PRKCA: variants seen among roughly 807,000 people sequenced by gnomAD.
PRKCA encodes the protein protein kinase C alpha, also known as protein kinase C alpha type.
Under a neutral mutation model 87.0 loss-of-function variants are expected in PRKCA, and 27 were observed. The observed-to-expected ratio is 0.31, with a 90% CI of 0.23 to 0.43. PRKCA has a LOEUF of 0.43. Ranked by LOEUF, PRKCA falls within the 20% of genes least tolerant of loss-of-function variation. The pLI, the probability that PRKCA is intolerant of heterozygous loss-of-function variation, is 1.00. For synonymous variants in PRKCA, 329 were observed against 311.1 expected (o/e 1.06, Z -0.61); for missense variants, 518 against 852.3 (o/e 0.61, Z 4.88).
In PRKCA at chr17:66,731,952, G is replaced by A. The variant is rs543958738; in HGVS notation, c.919-736G>A. 2.1e-4 allele frequency among the ~76,000 whole-genome samples: 32 copies of A among 150,942 alleles called. No homozygotes were observed. The South Asian group carries it at 6.5e-3, about 31-fold the overall frequency. On this transcript the variant is annotated intron_variant, in intron 8 of 16. Transcript: ENST00000413366. ...TTACAGGCACGCACCACCATGCCCAGCTGATTTTTGTATTTTTGGTAGAGA... is the reference window on the plus strand; with the variant it reads ...TTACAGGCACGCACCACCATGCCCAACTGATTTTTGTATTTTTGGTAGAGA...
intron 2 of PRKCA, among the ~76,000 whole-genome samples, chr17:66,490,501 G>A (rs1392449724): frequency 6.6e-6 from 1 of 151,932 alleles, no homozygotes; most frequent in African/African-American, 2.4e-5. Context: ...CCACCACCAT[G>A]CCCGGCTAAT....
Position 66,302,672 on chromosome 17 carries a change from G to T in PRKCA, c.-180G>T. ...GCTCCGGCTCCCGCTCCCGCTCCGCGCAGCACCAGCCCGACTCTCCCCGGC... is the reference window on the plus strand; with the variant it reads ...GCTCCGGCTCCCGCTCCCGCTCCGCTCAGCACCAGCCCGACTCTCCCCGGC... On this transcript the variant is annotated 5_prime_UTR_variant, in exon 1 of 17. Transcript: ENST00000413366. The T allele has an allele frequency of 4.8e-6, 1 of 210,404 alleles. No homozygotes were observed. Among genetic ancestry groups the T allele is most frequent in the Non-Finnish European group, 8.1e-6 (1 of 123,748 alleles). The allele number at this position is 210,404 out of a possible 1,614,324, so 13.0% of individuals were successfully genotyped here. A position where few individuals can be genotyped will look rare whatever the true frequency, so the allele number is the denominator to read the frequency against.
chr17:66,444,345 CA>C (rs2143890632), intron 2 of PRKCA, among the ~76,000 whole-genome samples: 1 of 152,254 alleles, frequency 6.6e-6, no homozygotes, highest in Non-Finnish European at 1.5e-5. Context: ...TTTCATAGTT[CA>C]ACGTTCTGGA....
intron 10 of PRKCA, among the ~76,000 whole-genome samples, chr17:66,736,677 C>T (rs952798470): frequency 1.3e-5 from 2 of 152,200 alleles, no homozygotes; most frequent in Admixed American, 1.3e-4. Context: ...TGTTCAATGC[C>T]ACACAACAGG....
chr17:66,396,068 T>TC (rs59678508), intron 2 of PRKCA, among the ~76,000 whole-genome samples: 3 of 151,878 alleles, frequency 2.0e-5, no homozygotes, highest in African/African-American at 7.3e-5. Flanking sequence ...TTTTTTTTTT[T>TC]AATTGAATAT....
chr17:66,483,758 C>G (rs966575808), intron 2 of PRKCA, among the ~76,000 whole-genome samples: 6 of 152,070 alleles, frequency 3.9e-5, no homozygotes, highest in Admixed American at 6.5e-5. Flanking sequence ...CCGCACCCAG[C>G]CCAAATTTCC....
intron 5 of PRKCA, among the ~76,000 whole-genome samples, chr17:66,663,533 G>A (rs1971962305): frequency 6.6e-6 from 1 of 152,206 alleles, no homozygotes; most frequent in African/African-American, 2.4e-5. Context: ...TAGTTCCTCA[G>A]GCTTAACTTG....
chr17:66,566,738 C>G (rs1968915563), intron 3 of PRKCA, among the ~76,000 whole-genome samples: 1 of 152,078 alleles, frequency 6.6e-6, no homozygotes, highest in Admixed American at 6.6e-5. Context: ...GAAATAGATT[C>G]TTCATTCTAC....
chr17:66,328,582 G>A (rs933052559), intron 2 of PRKCA, among the ~76,000 whole-genome samples: 4 of 152,118 alleles, frequency 2.6e-5, no homozygotes, highest in African/African-American at 4.8e-5. Flanking sequence ...CAGATCACTT[G>A]AGGTCAGGAG....
At chr17:66,616,677 T>G (rs1433131913) in intron 3 of PRKCA, among the ~76,000 whole-genome samples, 1 of 151,960 alleles carries the variant, frequency 6.6e-6, no homozygotes, top group Non-Finnish European at 1.5e-5. Flanking sequence ...CTTAGTGGAG[T>G]CTACACTGCA....
At chr17:66,389,191 C>T (rs1910227598) in intron 2 of PRKCA, among the ~76,000 whole-genome samples, 1 of 152,190 alleles carries the variant, frequency 6.6e-6, no homozygotes, top group African/African-American at 2.4e-5. Context: ...CAACACCCTT[C>T]ACAATAGCCC....
Position 66,735,168 on chromosome 17 carries a change from G to A in PRKCA, c.1057-321G>A, listed in dbSNP as rs7211265. Among the ~76,000 whole-genome samples the A allele has an allele frequency of 6.6e-3, 1,006 of 152,240 alleles. 15 individuals are homozygous for A. Among genetic ancestry groups the A allele is most frequent in the African/African-American group, 0.023 (960 of 41,542 alleles). Reference sequence around the variant, plus strand: ...CAGCTTTCACTCTAAGGATACTCCTGAAAAATGTGCATTATTCCAGACTAA... The same window carrying A: ...CAGCTTTCACTCTAAGGATACTCCTAAAAAATGTGCATTATTCCAGACTAA... On this transcript the variant is annotated intron_variant, in intron 9 of 16. Coordinates refer to ENST00000413366, the MANE Select transcript of PRKCA (RefSeq NM_002737.3).
intron 3 of PRKCA, among the ~76,000 whole-genome samples, chr17:66,620,884 C>T (rs1970660004): frequency 1.3e-5 from 2 of 152,182 alleles, no homozygotes; most frequent in Non-Finnish European, 2.9e-5. Flanking sequence ...TCTTAGAGTA[C>T]ATTTTATCAT....
At chr17:66,640,924 G>T (rs1361770477) in intron 3 of PRKCA, 4 of 396,962 alleles carry the variant, frequency 1.0e-5, no homozygotes, top group African/African-American at 8.5e-5. Context: ...ACTTTGGGAG[G>T]CCAAGGCTGG....
At chr17:66,626,549 T>G (rs1970862721) in intron 3 of PRKCA, among the ~76,000 whole-genome samples, 1 of 151,776 alleles carries the variant, frequency 6.6e-6, no homozygotes, top group Non-Finnish European at 1.5e-5. Context: ...TTTTTGTATT[T>G]TTAGTGGAGA....
intron 8 of PRKCA, among the ~76,000 whole-genome samples, chr17:66,720,869 TG>T (rs1973596954): frequency 6.6e-6 from 1 of 152,196 alleles, no homozygotes; most frequent in Non-Finnish European, 1.5e-5. Flanking sequence ...CAACTGTCTT[TG>T]ATAAGTATAT....
At chr17:66,384,453 TA>T (rs1909936527) in intron 2 of PRKCA, among the ~76,000 whole-genome samples, 1 of 152,218 alleles carries the variant, frequency 6.6e-6, no homozygotes, top group African/African-American at 2.4e-5. Context: ...GGATAAAAAT[TA>T]TCTGATTTTT....
In PRKCA at chr17:66,647,630, G is replaced by GC. The variant is rs1453697782; in HGVS notation, c.529+2120dup. 2.0e-5 allele frequency among the ~76,000 whole-genome samples: 3 copies of GC among 152,200 alleles called. No individual in the cohort carries two copies. In the East Asian group the frequency reaches 5.8e-4, roughly 29 times the overall value. On this transcript the variant is annotated intron_variant, in intron 5 of 16. Transcript: ENST00000413366. ...CTAAAACTGCATAGAGAGCACAGAT[G>GC]CTCTGGCTGGGGTGGCACAGGTACA...
chr17:66,587,316 C>T (rs1343016648), intron 3 of PRKCA, among the ~76,000 whole-genome samples: 1 of 152,176 alleles, frequency 6.6e-6, no homozygotes, highest in Non-Finnish European at 1.5e-5. Context: ...ACTTTTTCAG[C>T]ATGTGCAAAT....
Sources: gnomAD v4.1 joint callset for allele counts (sites outside exome capture counted in the v4.1 genomes callset) on GRCh38, gnomAD v4.1.1 for gene constraint, MANE v1.5 for transcripts, NCBI Gene and HGNC (gene_info 2026-07-23, HGNC 2026-07-21) for gene names.